The following GRID1 variants were observed in gnomAD, a reference collection of about 807,000 sequenced individuals.
The protein encoded by GRID1 is glutamate receptor ionotropic, delta-1.
A neutral mutation model predicts 98.0 loss-of-function variants in GRID1; 28 were observed. The ratio of observed to expected loss-of-function variants is 0.29; its 90% CI spans 0.21 to 0.39. GRID1 has a LOEUF of 0.39. GRID1 is among the 10% of genes least tolerant of loss of function. The pLI is 1.00. For synonymous variants in GRID1, 553 were observed against 538.5 expected (o/e 1.03, Z -0.37); for missense variants, 1,111 against 1,340.5 (o/e 0.83, Z 2.67).
chr10:85,674,289 A>G (rs1483442598), intron 12 of GRID1, among the ~76,000 whole-genome samples: 1 of 152,056 alleles, frequency 6.6e-6, no homozygotes, highest in Non-Finnish European at 1.5e-5. Flanking sequence ...CTCTTTCTCC[A>G]TTTGGTTCTA....
chr10:86,294,878 G>T (rs1447445014), intron 2 of GRID1, among the ~76,000 whole-genome samples: 2 of 152,170 alleles, frequency 1.3e-5, no homozygotes, highest in Admixed American at 6.5e-5. Context: ...GAGATGAGAA[G>T]AGCCCAGCAA....
chr10:85,914,300 CT>C (rs1245239022), intron 5 of GRID1, among the ~76,000 whole-genome samples: 7 of 152,202 alleles, frequency 4.6e-5, no homozygotes, highest in Non-Finnish European at 1.0e-4. Flanking sequence ...CAGAGAAACA[CT>C]GGCTATCCAG....
chr10:85,937,927 G>A (rs549197696), intron 4 of GRID1, among the ~76,000 whole-genome samples: 30 of 152,264 alleles, frequency 2.0e-4, no homozygotes, highest in African/African-American at 7.0e-4. Flanking sequence ...CTAAATATCA[G>A]AAAGATATTC....
intron 4 of GRID1, among the ~76,000 whole-genome samples, chr10:86,081,277 C>T (rs183298020): frequency 1.9e-3 from 283 of 152,168 alleles, no homozygotes; most frequent in African/African-American, 5.7e-3. Context: ...CAAAGAGGGC[C>T]GTGCAGAGAT....
At chr10:86,175,143 G>C (rs1286426065) in intron 3 of GRID1, among the ~76,000 whole-genome samples, 1 of 152,186 alleles carries the variant, frequency 6.6e-6, no homozygotes, top group African/African-American at 2.4e-5. Flanking sequence ...AAAGATGTGT[G>C]TGAATATGCG....
At chr10:85,659,635 T>C (rs1419883271) in intron 12 of GRID1, among the ~76,000 whole-genome samples, 1 of 152,208 alleles carries the variant, frequency 6.6e-6, no homozygotes, top group Non-Finnish European at 1.5e-5. Context: ...TATAAGATGC[T>C]AGCCGTTCTG....
chr10:85,709,746 A>G (rs1326920443), intron 12 of GRID1, among the ~76,000 whole-genome samples: 1 of 152,186 alleles, frequency 6.6e-6, no homozygotes, highest in Non-Finnish European at 1.5e-5. Flanking sequence ...TTAAATCAAT[A>G]TTTGGCACTT....
intron 4 of GRID1, among the ~76,000 whole-genome samples, chr10:85,936,620 T>C (rs1195610724): frequency 6.6e-6 from 1 of 152,198 alleles, no homozygotes; most frequent in Non-Finnish European, 1.5e-5. Flanking sequence ...TATCCAGTTC[T>C]GTTTGTTGCC....
intron 4 of GRID1, among the ~76,000 whole-genome samples, chr10:85,989,207 G>A (rs1589326575): frequency 6.6e-6 from 1 of 152,180 alleles, no homozygotes; most frequent in African/African-American, 2.4e-5. Context: ...ATTGGCTTTG[G>A]ACAGGTTGTT....
intron 8 of GRID1, among the ~76,000 whole-genome samples, chr10:85,756,901 G>A (rs545779743): frequency 3.9e-5 from 6 of 152,268 alleles, no homozygotes; most frequent in African/African-American, 1.4e-4. Context: ...ACCTAATGAG[G>A]TAGGCACCAT....
chr10:85,716,021 C>T (rs2132642227), intron 12 of GRID1, among the ~76,000 whole-genome samples: 1 of 152,136 alleles, frequency 6.6e-6, no homozygotes, highest in East Asian at 1.9e-4. Context: ...ATTCTCCTGC[C>T]TCAGCCTCCT....
intron 4 of GRID1, among the ~76,000 whole-genome samples, chr10:86,129,866 GC>G (rs1357770679): frequency 1.3e-5 from 2 of 152,236 alleles, no homozygotes; most frequent in Non-Finnish European, 2.9e-5. Flanking sequence ...TCTTTCCCCT[GC>G]CTGTTGAGCT....
At chr10:85,976,394 G>T (rs1335026349) in intron 4 of GRID1, among the ~76,000 whole-genome samples, 5 of 152,174 alleles carry the variant, frequency 3.3e-5, no homozygotes, top group Non-Finnish European at 1.5e-5. Flanking sequence ...CAGGGAGTGG[G>T]GATGCCTCCA....
At chr10:86,062,906 C>T (rs976826863) in intron 4 of GRID1, among the ~76,000 whole-genome samples, 1 of 152,262 alleles carries the variant, frequency 6.6e-6, no homozygotes, top group African/African-American at 2.4e-5. Context: ...CTATCGCTCA[C>T]TGGGGACAGA....
chr10:85,893,431 T>G (rs1459897257), intron 5 of GRID1, among the ~76,000 whole-genome samples: 1 of 152,100 alleles, frequency 6.6e-6, no homozygotes, highest in Non-Finnish European at 1.5e-5. Flanking sequence ...TGGAAAGGAA[T>G]AAGAATAGTT....
intron 4 of GRID1, among the ~76,000 whole-genome samples, chr10:86,125,306 G>A (rs1277117146): frequency 6.6e-6 from 1 of 152,228 alleles, no homozygotes; most frequent in Non-Finnish European, 1.5e-5. Context: ...AACCGGCAGA[G>A]TCAGTGTGCC....
chr10:86,362,648 G>A (rs1848614738), intron 2 of GRID1, among the ~76,000 whole-genome samples: 1 of 152,068 alleles, frequency 6.6e-6, no homozygotes, highest in African/African-American at 2.4e-5. Context: ...TTCCTCTGCT[G>A]CACCCAAGAA....
At chr10:86,255,403 A>G (rs528695522) in intron 2 of GRID1, among the ~76,000 whole-genome samples, 2 of 152,260 alleles carry the variant, frequency 1.3e-5, no homozygotes, top group African/African-American at 4.8e-5. Flanking sequence ...GCTGGGTAGC[A>G]CTTTTAGAGA....
chr10:86,186,716 A>G (rs189214194), intron 3 of GRID1, among the ~76,000 whole-genome samples: 34 of 152,356 alleles, frequency 2.2e-4, no homozygotes, highest in African/African-American at 7.9e-4. Flanking sequence ...ACTAAACTCA[A>G]TGCTGGCATG....
Sources: allele counts gnomAD v4.1 joint callset (sites outside exome capture counted in the v4.1 genomes callset), GRCh38; gene constraint gnomAD v4.1.1; transcripts MANE v1.5; gene names NCBI Gene and HGNC (gene_info 2026-07-23, HGNC 2026-07-21).